WDFY1: variants seen among roughly 807,000 people sequenced by gnomAD.
The protein encoded by WDFY1 is WD repeat and FYVE domain containing 1.
A neutral mutation model predicts 56.4 loss-of-function variants in WDFY1; 32 were observed. The observed-to-expected ratio is 0.57, with a 90% confidence interval of 0.43 to 0.76. The LOEUF is 0.76. Ranked by LOEUF, WDFY1 falls within the 30% of genes least tolerant of loss-of-function variation. The pLI, the probability that WDFY1 is intolerant of heterozygous loss-of-function variation, is 0.00. For synonymous variants in WDFY1, 192 were observed against 197.3 expected, an observed-to-expected ratio of 0.97 and a Z score of 0.23; for missense variants, 480 against 545.7, an observed-to-expected ratio of 0.88 and a Z score of 1.20.
At chr2:223,932,417 G>A (rs1056169387) in intron 1 of WDFY1, among the ~76,000 whole-genome samples, 4 of 152,044 alleles carry the variant, frequency 2.6e-5, no homozygotes, top group Middle Eastern at 3.2e-3. Context: ...CCATGGCGCC[G>A]GGTCGATTAC....
chr2:223,891,961 T>A (rs1216895546), intron 8 of WDFY1, among the ~76,000 whole-genome samples: 1 of 152,142 alleles, frequency 6.6e-6, no homozygotes, highest in Non-Finnish European at 1.5e-5. Flanking sequence ...GTATTATGCA[T>A]CCTATAATTT....
intron 1 of WDFY1, among the ~76,000 whole-genome samples, chr2:223,936,480 G>A (rs980244259): frequency 2.0e-4 from 30 of 152,212 alleles, no homozygotes; most frequent in Non-Finnish European, 3.5e-4. Context: ...TCCAAGTACA[G>A]TATGCTGGAA....
chr2:223,897,076 T>G, intron 6 of WDFY1, among the ~76,000 whole-genome samples: 1 of 152,134 alleles, frequency 6.6e-6, no homozygotes, highest in East Asian at 1.9e-4. Context: ...TACAGGGTCC[T>G]TGATTTGATA....
intron 8 of WDFY1, among the ~76,000 whole-genome samples, chr2:223,893,521 C>A (rs1264269072): frequency 3.3e-5 from 5 of 150,598 alleles, no homozygotes; most frequent in Admixed American, 3.3e-4. Flanking sequence ...CAAAGCAAGA[C>A]CCTGTCTCAA....
chr2:223,902,549 A>G (rs588310), intron 4 of WDFY1, among the ~76,000 whole-genome samples: 128,843 of 152,098 alleles, frequency 0.85, 56,232 homozygotes, highest in South Asian at 0.96. Context: ...TGGGTAAGAC[A>G]GCGAGACCCT....
chr2:223,906,667 G>A (rs976174701), intron 3 of WDFY1, among the ~76,000 whole-genome samples: 4 of 151,318 alleles, frequency 2.6e-5, no homozygotes, highest in African/African-American at 9.7e-5. Context: ...TTACAGAAGT[G>A]CACCACCACA....
At chr2:223,917,853 T>G in intron 2 of WDFY1, 90 bp downstream of exon 2, 34 of 1,493,064 alleles carry the variant, frequency 2.3e-5, no homozygotes, top group Non-Finnish European at 2.9e-5. Flanking sequence ...ATTACAGGTG[T>G]GAGCCACCAT....
intron 11 of WDFY1, among the ~76,000 whole-genome samples, chr2:223,879,212 A>G (rs1229705029): frequency 2.0e-5 from 3 of 152,232 alleles, no homozygotes; most frequent in African/African-American, 7.2e-5. Flanking sequence ...CAGAAAGATA[A>G]AACAATGTAG....
chr2:223,882,027 T>C lies in WDFY1; in HGVS notation c.979A>G (p.Ser327Gly), dbSNP rs1199176972. 1.9e-6 allele frequency: 3 copies of C among 1,614,098 alleles called. No individual in the cohort carries two copies. Among genetic ancestry groups the C allele is most frequent in the Non-Finnish European group, 1.7e-6 (2 of 1,179,946 alleles). Residue 327 changes from serine to glycine, a missense_variant, in exon 10 of 12, where the codon AGC becomes GGC. Transcript: ENST00000233055. ...CGQAVCGKCS[S>G]KRSSYPVMGF... ...ATGACTGGGTAACTTGAGCGCTTGCTGCTGCACTTCCCGCAGACAGCCTGC... is the reference window on the plus strand; with the variant it reads ...ATGACTGGGTAACTTGAGCGCTTGCCGCTGCACTTCCCGCAGACAGCCTGC...
chr2:223,881,992 C>T lies in WDFY1; in HGVS notation c.1014G>A (p.Glu338=). ...KRSSYPVMGF[E]FQVRVCDSCY... is the part of the protein sequence containing the mutation. ...AAGAATCACAAACCCGGACTTGGAA[C>T]TCGAAGCCCATGACTGGGTAACTTG... Residue 338 remains glutamate, a synonymous_variant, in exon 10 of 12, where the codon GAG becomes GAA. Transcript: ENST00000233055. 6.2e-7 allele frequency: 1 copy of T among 1,614,106 alleles called. No homozygotes were observed. Among genetic ancestry groups the T allele is most frequent in the Non-Finnish European group, 8.5e-7 (1 of 1,179,964 alleles).
chr2:223,904,938 A>G (rs947676020), intron 4 of WDFY1, among the ~76,000 whole-genome samples: 3 of 152,236 alleles, frequency 2.0e-5, no homozygotes, highest in Non-Finnish European at 2.9e-5. Flanking sequence ...AAAAAAAGGT[A>G]TATGTCACAG....
chr2:223,884,096 C>T (rs1488374300), intron 9 of WDFY1, among the ~76,000 whole-genome samples: 1 of 150,154 alleles, frequency 6.7e-6, no homozygotes, highest in Non-Finnish European at 1.5e-5. Context: ...TTTAACAGCA[C>T]CTTTAAAATC....
At chr2:223,902,257 T>C (rs1197052418) in intron 4 of WDFY1, among the ~76,000 whole-genome samples, 10 of 152,226 alleles carry the variant, frequency 6.6e-5, no homozygotes, top group Non-Finnish European at 1.5e-4. Flanking sequence ...AAGGATGCTA[T>C]GATAGCTATT....
At chr2:223,880,084 A>C (rs373017544) in intron 11 of WDFY1, 40 bp downstream of exon 11, 4 of 1,542,104 alleles carry the variant, frequency 2.6e-6, no homozygotes, top group Non-Finnish European at 3.6e-6. Flanking sequence ...GGTAATAGGC[A>C]ATCTCAACTG....
At position 223,880,116 on chromosome 2, in the gene WDFY1, C is replaced by T; in HGVS notation, c.1173+8G>A. 6.2e-7 allele frequency: 1 copy of T among 1,611,980 alleles called. No homozygotes were observed. The highest frequency in any genetic ancestry group is 8.5e-7 in the Non-Finnish European group (1 of 1,178,110). On this transcript the variant is annotated splice_region_variant and intron_variant, in intron 11 of 11. Coordinates refer to ENST00000233055, the MANE Select transcript of WDFY1 (RefSeq NM_020830.5). ...ACTGAGATGCTGACAGACAATTAGC[C>T]AGCTTACCTTTACAATGCGGTCGGT...
At chr2:223,885,275 T>C (rs944815285) in intron 8 of WDFY1, among the ~76,000 whole-genome samples, 1 of 151,908 alleles carries the variant, frequency 6.6e-6, no homozygotes, top group African/African-American at 2.4e-5. Context: ...ACTGCAAGCT[T>C]GATCTCTCAG....
chr2:223,903,626 T>TACACAC (rs74181334), intron 4 of WDFY1, among the ~76,000 whole-genome samples: 1,589 of 140,132 alleles, frequency 0.011, 33 homozygotes, highest in African/African-American at 0.039. Flanking sequence ...AGATGAAAAA[T>TACACAC]ACACACACAC....
chr2:223,882,874 T>C (rs1574756622), intron 9 of WDFY1, among the ~76,000 whole-genome samples: 1 of 152,054 alleles, frequency 6.6e-6, no homozygotes, highest in South Asian at 2.1e-4. Context: ...ACTACACGTG[T>C]CTGCCACCAT....
In WDFY1 at chr2:223,926,281, G is replaced by T. The variant is rs554699563; in HGVS notation, c.138-8271C>A. Among the ~76,000 whole-genome samples, 14 of 152,104 alleles carry T rather than the reference G, an allele frequency of 9.2e-5. No homozygotes were observed. In the South Asian group the frequency reaches 2.1e-3, roughly 23 times the overall value. On this transcript the variant is annotated intron_variant, in intron 1 of 11. Transcript: ENST00000233055. ...CCCACCTCAGGTTCCCCAGTAACTG[G>T]GACTACAGGCACACACCACGACACC... is the stretch of plus-strand genomic sequence containing the variant.
Sources: gnomAD v4.1 joint callset for allele counts (sites outside exome capture counted in the v4.1 genomes callset) on GRCh38, gnomAD v4.1.1 for gene constraint, MANE v1.5 for transcripts, NCBI Gene and HGNC (gene_info 2026-07-23, HGNC 2026-07-21) for gene names.